ASNS: variants seen among roughly 807,000 people sequenced by gnomAD.
ASNS encodes asparagine synthetase (glutamine-hydrolyzing), also known as asparagine synthetase [glutamine-hydrolyzing].
In ASNS, 37 loss-of-function variants were observed where a neutral mutation model predicts 62.6. The ratio of observed to expected loss-of-function variants is 0.59; its 90% CI spans 0.45 to 0.78. ASNS has a LOEUF of 0.78. Ranked by LOEUF, ASNS falls within the 30% of genes least tolerant of loss-of-function variation. ASNS has a pLI of 0.00. For missense variants in ASNS, 520 were observed against 682.4 expected (o/e 0.76, Z 2.65); for synonymous variants, 207 against 237.9 (o/e 0.87, Z 1.19).
chr7:97,887,639 G>A, the ASNS span, among the ~76,000 whole-genome samples: 1 of 152,298 alleles, frequency 6.6e-6, no homozygotes, highest in South Asian at 2.1e-4. Context: ...GAAGATAAGA[G>A]ACACCAAGAG....
In ASNS at chr7:97,859,202, G is replaced by A. The variant is rs1791599268; in HGVS notation, c.673+11C>T. ...AGAAGGATGGGGAATAGGTGGGTGG[G>A]TGTCTGCTACCTGGAAAGAGTTTCT... On this transcript the variant is annotated intron_variant, in intron 5 of 12. Transcript: ENST00000394308. The A allele has an allele frequency of 6.3e-7, 1 of 1,596,472 alleles. No individual in the cohort carries two copies. The highest frequency in any genetic ancestry group is 1.7e-5 in the Admixed American group (1 of 57,880).
chr7:97,881,216 A>G, the ASNS span, among the ~76,000 whole-genome samples: 1 of 152,234 alleles, frequency 6.6e-6, no homozygotes, highest in Non-Finnish European at 1.5e-5. Context: ...TGCTGGGATT[A>G]CAGGCATGAG....
chr7:97,891,717 T>C, the ASNS span, among the ~76,000 whole-genome samples: 2 of 149,074 alleles, frequency 1.3e-5, no homozygotes, highest in African/African-American at 2.5e-5. Flanking sequence ...TCTCCTTTGA[T>C]TCCATGTCTC....
At chr7:97,920,850 T>C in the ASNS span, among the ~76,000 whole-genome samples, 1 of 152,288 alleles carries the variant, frequency 6.6e-6, no homozygotes, top group Non-Finnish European at 1.5e-5. Flanking sequence ...ATAACGCCAC[T>C]TCTTGTGCTT....
At chr7:97,913,774 T>C in the ASNS span, among the ~76,000 whole-genome samples, 10 of 151,006 alleles carry the variant, frequency 6.6e-5, no homozygotes, top group African/African-American at 2.2e-4. Flanking sequence ...TAATGAGTCT[T>C]TGTGGAATAA....
At chr7:97,875,062 T>G (rs1792409523), upstream of ASNS, among the ~76,000 whole-genome samples, 1 of 138,192 alleles carries the variant, frequency 7.2e-6, no homozygotes, top group South Asian at 2.3e-4. Flanking sequence ...GAAGAAACCC[T>G]AGTTAGGACA....
At chr7:97,896,733 C>CATATATAT in the ASNS span, among the ~76,000 whole-genome samples, 13 of 26,260 alleles carry the variant, frequency 5.0e-4, no homozygotes, top group South Asian at 1.7e-3. Context: ...CACACACACA[C>CATATATAT]ACACACACAT....
the ASNS span, among the ~76,000 whole-genome samples, chr7:97,888,648 A>AC: frequency 6.6e-5 from 10 of 151,696 alleles, no homozygotes; most frequent in African/African-American, 2.2e-4. Flanking sequence ...TTTTAGCCTA[A>AC]CCCCCCTTAC....
At chr7:97,897,006 A>G in the ASNS span, among the ~76,000 whole-genome samples, 1 of 147,062 alleles carries the variant, frequency 6.8e-6, no homozygotes, top group African/African-American at 2.5e-5. Flanking sequence ...ATCTCTCATC[A>G]CTTACAAAAA....
At chr7:97,899,949 T>C in the ASNS span, among the ~76,000 whole-genome samples, 212 of 152,356 alleles carry the variant, frequency 1.4e-3, 1 homozygote, top group African/African-American at 4.6e-3. Flanking sequence ...AAGGAAGACA[T>C]ACAAGTGGCC....
the ASNS span, among the ~76,000 whole-genome samples, chr7:97,882,141 A>G: frequency 6.6e-6 from 1 of 152,106 alleles, no homozygotes; most frequent in Non-Finnish European, 1.5e-5. Flanking sequence ...CATGAGCCAC[A>G]GTGGCAGCCT....
the ASNS span, chr7:97,927,949 TG>T: frequency 1.6e-6 from 1 of 626,820 alleles, no homozygotes. Flanking sequence ...GCTGCCTAAA[TG>T]TGTTCAGAAT....
chr7:97,903,700 A>G, the ASNS span, among the ~76,000 whole-genome samples: 1 of 152,122 alleles, frequency 6.6e-6, no homozygotes, highest in Admixed American at 6.5e-5. Context: ...AGCAGGCTCT[A>G]CCTCGTGAGC....
At chr7:97,854,825 A>G in intron 9 of ASNS, 145 bp from the exon 10 acceptor site, 4 of 1,442,636 alleles carry the variant, frequency 2.8e-6, no homozygotes, top group East Asian at 2.5e-5. Context: ...GAGGTAAGCA[A>G]TGCTTCACAA....
At chr7:97,852,968 T>C (rs1791255142) in intron 12 of ASNS, 92 bp downstream of exon 12, 3 of 1,223,510 alleles carry the variant, frequency 2.5e-6, no homozygotes, top group African/African-American at 1.5e-5. Flanking sequence ...ACTAAATACA[T>C]GTATCATTCA....
At chr7:97,912,565 CTTTTTTTTTTTTTTT>C in the ASNS span, among the ~76,000 whole-genome samples, 1 of 41,496 alleles carries the variant, frequency 2.4e-5, no homozygotes, top group Non-Finnish European at 4.6e-5. Flanking sequence ...GTTAACTTTG[CTTTTTTTTTTTTTTT>C]TTTTTTTTTT....
rs3832526 is a variant in ASNS, at chr7:97,872,310, T to TGGCGCGGGGCGCAGGGCGCGGGGCGCAG, written c.-60+40_-60+41insCTGCGCCCCGCGCCCTGCGCCCCGCGCC. 489 of 151,450 alleles carry TGGCGCGGGGCGCAGGGCGCGGGGCGCAG rather than the reference T, an allele frequency of 3.2e-3. 3 individuals are homozygous for TGGCGCGGGGCGCAGGGCGCGGGGCGCAG. Among genetic ancestry groups the TGGCGCGGGGCGCAGGGCGCGGGGCGCAG allele is most frequent in the African/African-American group, 7.8e-3 (311 of 40,094 alleles). The allele number at this position is 151,450 out of a possible 1,614,324, so 9.4% of individuals were successfully genotyped here. Reference sequence around the variant, plus strand: ...GCCCCAGGGCACGCGAGGAGGATGCTGGCGCGGGGCGCAGGGCACGGGGCG... The same window carrying TGGCGCGGGGCGCAGGGCGCGGGGCGCAG: ...GCCCCAGGGCACGCGAGGAGGATGCTGGCGCGGGGCGCAGGGCGCGGGGCGCAGGGCGCGGGGCGCAGGGCACGGGGCG... On this transcript the variant is annotated intron_variant, in intron 1 of 12. Coordinates refer to ENST00000394308, the MANE Select transcript of ASNS (RefSeq NM_001673.5).
chr7:97,911,746 A>G, the ASNS span, among the ~76,000 whole-genome samples: 1 of 152,122 alleles, frequency 6.6e-6, no homozygotes, highest in Non-Finnish European at 1.5e-5. Context: ...AAATCAAGAC[A>G]AAGTACAGCA....
At chr7:97,925,612 T>C in the ASNS span, among the ~76,000 whole-genome samples, 1 of 152,050 alleles carries the variant, frequency 6.6e-6, no homozygotes, top group African/African-American at 2.4e-5. Context: ...AACCCAGGTT[T>C]CTCCTCAGCA....
Sources: gnomAD v4.1 joint callset for allele counts (sites outside exome capture counted in the v4.1 genomes callset) on GRCh38, gnomAD v4.1.1 for gene constraint, MANE v1.5 for transcripts, NCBI Gene and HGNC (gene_info 2026-07-23, HGNC 2026-07-21) for gene names.